CHST9: variants seen among roughly 807,000 people sequenced by gnomAD.
CHST9 encodes the protein carbohydrate sulfotransferase 9, also known as GalNAc-4-sulfotransferase 2.
CHST9 carries 41 observed loss-of-function variants against 44.4 expected under a neutral mutation model. The observed-to-expected ratio is 0.92, with a 90% CI of 0.72 to 1.20. CHST9 has a LOEUF of 1.20. Among genes scored for constraint, CHST9 ranks in the 50% most tolerant of loss-of-function variants. The pLI is 0.00. For synonymous variants in CHST9, 171 were observed against 178.4 expected, an observed-to-expected ratio of 0.96 and a Z score of 0.33; for missense variants, 504 against 516.5, an observed-to-expected ratio of 0.98 and a Z score of 0.23.
intron 5 of CHST9, among the ~76,000 whole-genome samples, chr18:26,922,858 G>T (rs1307936494): frequency 6.6e-6 from 1 of 151,932 alleles, no homozygotes; most frequent in Admixed American, 6.5e-5. Context: ...CTGGTCTCAA[G>T]CTCCTGACCT....
chr18:27,099,707 A>C (rs1568172282), intron 2 of CHST9, among the ~76,000 whole-genome samples: 3 of 151,964 alleles, frequency 2.0e-5, no homozygotes, highest in African/African-American at 7.2e-5. Context: ...TACAAATTAA[A>C]AACAACAACA....
At chr18:26,963,127 T>G (rs2056421259) in intron 4 of CHST9, among the ~76,000 whole-genome samples, 1 of 152,136 alleles carries the variant, frequency 6.6e-6, no homozygotes, top group South Asian at 2.1e-4. Context: ...ATAGAGTGAA[T>G]GAAACAAACA....
Position 26,911,388 on chromosome 18 carries a change from C to A in CHST9, c.*4871G>T, listed in dbSNP as rs547678429. On this transcript the variant is annotated 3_prime_UTR_variant, in exon 6 of 6. Coordinates refer to ENST00000618847, the MANE Select transcript of CHST9 (RefSeq NM_031422.6). ...CACATGAACAAATAAATTAACGAAC[C>A]TCCCTGACAAAAAAAATCGAGGAAA... is the stretch of plus-strand genomic sequence containing the variant. The A allele has an allele frequency of 6.6e-6, 1 of 152,190 alleles. No homozygotes were observed. The highest frequency in any genetic ancestry group is 2.1e-4 in the South Asian group (1 of 4,818). The allele number at this position is 152,190 out of a possible 1,614,324, so 9.4% of individuals were successfully genotyped here. A position where few individuals can be genotyped will look rare whatever the true frequency, so the allele number is the denominator to read the frequency against.
At chr18:26,976,666 C>T (rs934451120) in intron 4 of CHST9, among the ~76,000 whole-genome samples, 4 of 152,186 alleles carry the variant, frequency 2.6e-5, no homozygotes, top group East Asian at 1.9e-4. Flanking sequence ...CCTTCTCTAC[C>T]GTGGATGGGA....
At chr18:26,918,775 C>G (rs193176195) in intron 5 of CHST9, among the ~76,000 whole-genome samples, 389 of 152,164 alleles carry the variant, frequency 2.6e-3, no homozygotes, top group South Asian at 7.1e-3. Context: ...GGTTGAAGGG[C>G]ACTGCTTTTT....
At chr18:27,061,972 T>C (rs1203481078) in intron 2 of CHST9, among the ~76,000 whole-genome samples, 1 of 152,154 alleles carries the variant, frequency 6.6e-6, no homozygotes. Context: ...ATGTTAATCA[T>C]TTCTCATGAC....
At chr18:26,985,384 A>G (rs2056742369) in intron 4 of CHST9, among the ~76,000 whole-genome samples, 1 of 152,224 alleles carries the variant, frequency 6.6e-6, no homozygotes. Flanking sequence ...AAGACAAAAT[A>G]GAATTAACTA....
At chr18:27,046,039 A>G (rs1223171080) in intron 3 of CHST9, among the ~76,000 whole-genome samples, 1 of 152,154 alleles carries the variant, frequency 6.6e-6, no homozygotes, top group Non-Finnish European at 1.5e-5. Context: ...ATTTCAATTA[A>G]GTGAAAATGG....
At chr18:27,152,342 T>TTC (rs2058666021) in intron 1 of CHST9, among the ~76,000 whole-genome samples, 1 of 52,240 alleles carries the variant, frequency 1.9e-5, no homozygotes, top group African/African-American at 6.7e-5. Context: ...GTGTAGAGTC[T>TTC]TTTTTTTTTC....
At chr18:26,942,580 A>G (rs1415706988) in intron 5 of CHST9, among the ~76,000 whole-genome samples, 1 of 152,196 alleles carries the variant, frequency 6.6e-6, no homozygotes, top group Non-Finnish European at 1.5e-5. Flanking sequence ...GGAAATGGAA[A>G]TCTACCCATG....
chr18:27,048,457 A>T lies in CHST9; in HGVS notation c.160+8T>A, dbSNP rs2057529602. On this transcript the variant is annotated splice_region_variant and intron_variant, in intron 3 of 5. Coordinates refer to ENST00000618847, the MANE Select transcript of CHST9 (RefSeq NM_031422.6). ...AATAAAGCTGGAGCCCATTGGACAA[A>T]ATCTTACCTGAAGTTACTTTTTGTT... 1 of 1,604,320 alleles carries T rather than the reference A, an allele frequency of 6.2e-7. No individual in the cohort carries two copies. Among genetic ancestry groups the T allele is most frequent in the South Asian group, 1.1e-5 (1 of 88,322 alleles).
chr18:27,081,126 G>T (rs1464207169), intron 2 of CHST9, among the ~76,000 whole-genome samples: 2 of 152,112 alleles, frequency 1.3e-5, no homozygotes, highest in Admixed American at 6.6e-5. Flanking sequence ...ACTTTTTAAA[G>T]AATCAGTTCC....
At chr18:27,054,313 T>C (rs988639838) in intron 2 of CHST9, among the ~76,000 whole-genome samples, 2 of 152,214 alleles carry the variant, frequency 1.3e-5, no homozygotes, top group African/African-American at 4.8e-5. Context: ...CATTCTGTCC[T>C]AGTTGTGCTT....
intron 4 of CHST9, among the ~76,000 whole-genome samples, chr18:26,963,188 T>TA (rs2056422223): frequency 6.6e-6 from 1 of 151,990 alleles, no homozygotes; most frequent in Admixed American, 6.5e-5. Context: ...CCTCTCAACA[T>TA]AGAGTTCTTT....
intron 3 of CHST9, among the ~76,000 whole-genome samples, chr18:27,042,791 C>T (rs768235239): frequency 7.3e-5 from 11 of 149,882 alleles, no homozygotes; most frequent in Non-Finnish European, 1.5e-5. Context: ...CTCTCTCTCC[C>T]TCCCTCCCTC....
At chr18:27,071,616 A>G (rs9954504) in intron 2 of CHST9, among the ~76,000 whole-genome samples, 17,065 of 152,228 alleles carry the variant, frequency 0.11, 1,057 homozygotes, top group East Asian at 0.32. Flanking sequence ...TAAATATTAG[A>G]CTTTTTTTCT....
chr18:26,927,440 TA>T (rs1212303944), intron 5 of CHST9, among the ~76,000 whole-genome samples: 1 of 152,028 alleles, frequency 6.6e-6, no homozygotes, highest in Admixed American at 6.5e-5. Context: ...CCTCAGTATT[TA>T]TTGATTATTA....
intron 2 of CHST9, among the ~76,000 whole-genome samples, chr18:27,106,175 T>C (rs150739988): frequency 6.6e-6 from 1 of 152,180 alleles, no homozygotes; most frequent in African/African-American, 2.4e-5. Context: ...TTCTTAGTAA[T>C]GGTTGCCATC....
chr18:26,950,024 T>C (rs779679494), intron 4 of CHST9, among the ~76,000 whole-genome samples: 1 of 152,230 alleles, frequency 6.6e-6, no homozygotes, highest in Non-Finnish European at 1.5e-5. Flanking sequence ...ATCTGAACTC[T>C]GACCTTTAGA....
Sources: gnomAD v4.1 joint callset for allele counts (sites outside exome capture counted in the v4.1 genomes callset) on GRCh38, gnomAD v4.1.1 for gene constraint, MANE v1.5 for transcripts, NCBI Gene and HGNC (gene_info 2026-07-23, HGNC 2026-07-21) for gene names.